Variants in UTS2B observed in about 807,000 individuals in gnomAD.
The protein encoded by UTS2B is urotensin-2B.
In UTS2B, 21 loss-of-function variants were observed where a neutral mutation model predicts 19.2. The ratio of observed to expected loss-of-function variants is 1.09; its 90% confidence interval spans 0.78 to 1.58. UTS2B has a LOEUF of 1.58. Ranked by LOEUF, UTS2B falls within the 40% of genes most tolerant of loss-of-function variation. The probability of loss-of-function intolerance (pLI) is 0.00; values close to 1 mark genes in which losing one functional copy is unlikely to be tolerated. For synonymous variants in UTS2B, 57 were observed against 50.2 expected (o/e 1.14, Z -0.58); for missense variants, 138 against 130.3 (o/e 1.06, Z -0.29).
chr3:191,309,318 C>T (rs1717226404), intron 3 of UTS2B, among the ~76,000 whole-genome samples: 1 of 151,892 alleles, frequency 6.6e-6, no homozygotes, highest in South Asian at 2.1e-4. Context: ...CCTACCACCA[C>T]GCCTGGCTAA....
Position 191,304,394 on chromosome 3 carries a change from G to A in UTS2B, c.-125+98C>T, listed in dbSNP as rs533151098. 2.6e-5 allele frequency: 4 copies of A among 152,280 alleles called. No homozygotes were observed. In the East Asian group the frequency reaches 5.8e-4, roughly 22 times the overall value. The allele number at this position is 152,280 out of a possible 1,614,324, so 9.4% of individuals were successfully genotyped here. On this transcript the variant is annotated intron_variant, in intron 4 of 8. Coordinates refer to ENST00000340524, the MANE Select transcript of UTS2B (RefSeq NM_198152.5). ...ATGTTGCTCACCATCATCCCAGTTCGCTAGAGAGGTTATGTTCCAGTTGCC... is the reference window on the plus strand; with the variant it reads ...ATGTTGCTCACCATCATCCCAGTTCACTAGAGAGGTTATGTTCCAGTTGCC...
At chr3:191,316,853 GC>G (rs1346049180) in intron 2 of UTS2B, among the ~76,000 whole-genome samples, 1 of 152,344 alleles carries the variant, frequency 6.6e-6, no homozygotes, top group East Asian at 1.9e-4. Flanking sequence ...CAAACCCCCA[GC>G]TAGACACTGA....
the UTS2B span, among the ~76,000 whole-genome samples, chr3:191,340,259 CTG>C: frequency 6.6e-6 from 1 of 152,178 alleles, no homozygotes; most frequent in Admixed American, 6.5e-5. Context: ...TGACAGGTAT[CTG>C]TAATTAAGAG....
Position 191,268,262 on chromosome 3 carries a change from A to T in UTS2B, c.*154T>A, listed in dbSNP as rs1715995020. On this transcript the variant is annotated 3_prime_UTR_variant, in exon 9 of 9. Transcript: ENST00000340524. ...CAGTCCAACCTGGCATTGTCTTTAC[A>T]CAATCCCGCATGCAATTTTGTATTT... 8 of 583,236 alleles carry T rather than the reference A, an allele frequency of 1.4e-5. No homozygotes were observed. In the South Asian group the frequency reaches 2.1e-4, roughly 15 times the overall value. 36.1% of individuals were successfully genotyped at this position (583,236 alleles called of 1,614,324 possible). A position where few individuals can be genotyped will look rare whatever the true frequency, so the allele number is the denominator to read the frequency against.
chr3:191,289,425 A>AATAAATAC (rs2108582733), intron 4 of UTS2B, among the ~76,000 whole-genome samples: 1 of 142,820 alleles, frequency 7.0e-6, no homozygotes, highest in Non-Finnish European at 1.5e-5. Context: ...TAAATAAATA[A>AATAAATAC]ATAAATAAAT....
At chr3:191,290,042 G>C (rs1208490698) in intron 4 of UTS2B, among the ~76,000 whole-genome samples, 1 of 152,046 alleles carries the variant, frequency 6.6e-6, no homozygotes, top group Non-Finnish European at 1.5e-5. Flanking sequence ...ACATCATGTT[G>C]TACACAATAG....
chr3:191,322,186 T>G (rs1037157357), intron 2 of UTS2B, among the ~76,000 whole-genome samples: 1 of 152,100 alleles, frequency 6.6e-6, no homozygotes, highest in Non-Finnish European at 1.5e-5. Flanking sequence ...TTAGGTAGAG[T>G]TGCTAGCCCA....
intron 4 of UTS2B, among the ~76,000 whole-genome samples, chr3:191,301,711 G>C (rs1019257874): frequency 6.6e-6 from 1 of 151,460 alleles, no homozygotes; most frequent in Admixed American, 6.6e-5. Flanking sequence ...GGATGGTCTC[G>C]ATCTCCTGAC....
At chr3:191,280,295 T>TTCAG (rs1038154217) in intron 5 of UTS2B, among the ~76,000 whole-genome samples, 59 of 152,268 alleles carry the variant, frequency 3.9e-4, no homozygotes, top group African/African-American at 1.4e-3. Context: ...TTTGCCCAAT[T>TTCAG]TCAGGCTCAT....
the UTS2B span, among the ~76,000 whole-genome samples, chr3:191,344,689 C>T: frequency 1.3e-5 from 2 of 152,184 alleles, no homozygotes; most frequent in African/African-American, 2.4e-5. Context: ...GGCGATTCTC[C>T]TGCCTCAGCC....
At chr3:191,343,174 G>T in the UTS2B span, among the ~76,000 whole-genome samples, 1 of 152,170 alleles carries the variant, frequency 6.6e-6, no homozygotes, top group Non-Finnish European at 1.5e-5. Flanking sequence ...ATCTGTGGGG[G>T]TGCTGGAACC....
chr3:191,309,859 A>G (rs2108601732), intron 3 of UTS2B, among the ~76,000 whole-genome samples: 1 of 152,094 alleles, frequency 6.6e-6, no homozygotes, highest in South Asian at 2.1e-4. Context: ...TGATGCCACC[A>G]TGCTTCCTGT....
chr3:191,318,143 T>C (rs9873624), intron 2 of UTS2B, among the ~76,000 whole-genome samples: 1,673 of 152,340 alleles, frequency 0.011, 29 homozygotes, highest in African/African-American at 0.037. Context: ...TTTAAAGCAA[T>C]AATCTGTGAC....
At chr3:191,297,810 C>T (rs554472614) in intron 4 of UTS2B, among the ~76,000 whole-genome samples, 2 of 152,220 alleles carry the variant, frequency 1.3e-5, no homozygotes, top group Non-Finnish European at 2.9e-5. Flanking sequence ...GAAATAATCT[C>T]TATTTACGAA....
At chr3:191,309,181 T>A (rs1045034271) in intron 3 of UTS2B, among the ~76,000 whole-genome samples, 1 of 152,200 alleles carries the variant, frequency 6.6e-6, no homozygotes. Flanking sequence ...TGTTTTTTTT[T>A]AAAACGGAGT....
the UTS2B span, among the ~76,000 whole-genome samples, chr3:191,339,768 C>A: frequency 6.6e-6 from 1 of 152,194 alleles, no homozygotes; most frequent in Non-Finnish European, 1.5e-5. Context: ...AACATGGTCT[C>A]CATTTACTCT....
chr3:191,286,525 C>A (rs1330595183), intron 4 of UTS2B, among the ~76,000 whole-genome samples: 1 of 151,602 alleles, frequency 6.6e-6, no homozygotes, highest in Admixed American at 6.6e-5. Flanking sequence ...AGCTAATAGA[C>A]CAAAGTAGAA....
intron 4 of UTS2B, among the ~76,000 whole-genome samples, chr3:191,286,126 G>A (rs1367789444): frequency 6.6e-6 from 1 of 152,134 alleles, no homozygotes; most frequent in Non-Finnish European, 1.5e-5. Context: ...AGCTAATTAT[G>A]TAAAGCAAAT....
At position 191,313,346 on chromosome 3, in the gene UTS2B, C is replaced by T. The variant is rs114831268; in HGVS notation, c.-182+2690G>A. On this transcript the variant is annotated intron_variant, in intron 3 of 8. Coordinates refer to ENST00000340524, the MANE Select transcript of UTS2B (RefSeq NM_198152.5). Reference sequence around the variant, plus strand: ...CATTTAACTCACAGTAATGTGTGAACTCTGGTTCCTTCCCTTTAAAGTTCA... The same window carrying T: ...CATTTAACTCACAGTAATGTGTGAATTCTGGTTCCTTCCCTTTAAAGTTCA... 2.4e-3 allele frequency among the ~76,000 whole-genome samples: 365 copies of T among 152,264 alleles called. 5 individuals are homozygous for T. The highest frequency in any genetic ancestry group is 8.0e-3 in the African/African-American group (333 of 41,540).
Sources: allele counts gnomAD v4.1 joint callset (sites outside exome capture counted in the v4.1 genomes callset), GRCh38; gene constraint gnomAD v4.1.1; transcripts MANE v1.5; gene names NCBI Gene and HGNC (gene_info 2026-07-23, HGNC 2026-07-21).